Variants in PACSIN2 observed in about 807,000 individuals in gnomAD.
PACSIN2 encodes protein kinase C and casein kinase substrate in neurons 2.
Under a neutral mutation model 63.8 loss-of-function variants are expected in PACSIN2, and 25 were observed. The ratio of observed to expected loss-of-function variants is 0.39; its 90% CI spans 0.29 to 0.55. PACSIN2 has a LOEUF of 0.55. PACSIN2 is among the 20% of genes least tolerant of loss of function. The pLI is 0.62. For missense variants in PACSIN2, 518 were observed against 646.9 expected, an observed-to-expected ratio of 0.80 and a Z score of 2.16; for synonymous variants, 255 against 256.2, an observed-to-expected ratio of 1.00 and a Z score of 0.05.
At chr22:42,901,806 AC>A (rs1930707835) in intron 2 of PACSIN2, among the ~76,000 whole-genome samples, 2 of 152,254 alleles carry the variant, frequency 1.3e-5, no homozygotes, top group South Asian at 4.1e-4. Flanking sequence ...TTCCTGGCAT[AC>A]CTGACCAGCT....
intron 1 of PACSIN2, among the ~76,000 whole-genome samples, chr22:42,937,758 C>A (rs1932974684): frequency 1.3e-5 from 2 of 152,238 alleles, no homozygotes; most frequent in Non-Finnish European, 2.9e-5. Flanking sequence ...TGGCTCCCAG[C>A]CCTTTCCATG....
intron 1 of PACSIN2, among the ~76,000 whole-genome samples, chr22:42,990,393 G>A (rs1922960562): frequency 6.6e-6 from 1 of 152,106 alleles, no homozygotes; most frequent in African/African-American, 2.4e-5. Context: ...GCTAAGAACT[G>A]CACACTACAA....
chr22:42,937,278 A>G (rs1298466469), intron 1 of PACSIN2, among the ~76,000 whole-genome samples: 1 of 152,142 alleles, frequency 6.6e-6, no homozygotes, highest in African/African-American at 2.4e-5. Flanking sequence ...GAAGTAAGCC[A>G]TATGGGCCCC....
chr22:42,955,204 C>T (rs1047096528), intron 1 of PACSIN2, among the ~76,000 whole-genome samples: 4 of 152,170 alleles, frequency 2.6e-5, no homozygotes, highest in African/African-American at 9.7e-5. Context: ...CAATCCTAAC[C>T]GTCTATGGAT....
intron 1 of PACSIN2, among the ~76,000 whole-genome samples, chr22:42,987,970 G>A (rs1454198314): frequency 7.2e-5 from 11 of 151,970 alleles, no homozygotes; most frequent in South Asian, 2.1e-4. Context: ...GTGAAACCCC[G>A]TCTCTACTAA....
At chr22:42,891,235 T>C in intron 3 of PACSIN2, 53 bp from the exon 4 acceptor site, 2 of 1,220,158 alleles carry the variant, frequency 1.6e-6, no homozygotes, top group East Asian at 4.7e-5. Context: ...TGGTGGGGTC[T>C]GCTCTGCTCA....
At chr22:42,965,759 A>T (rs1260594538) in intron 1 of PACSIN2, among the ~76,000 whole-genome samples, 1 of 152,220 alleles carries the variant, frequency 6.6e-6, no homozygotes, top group Non-Finnish European at 1.5e-5. Context: ...AGGCATGACA[A>T]TGACAGTTCA....
rs935290990 is a variant in PACSIN2 at position 42,933,030 on chromosome 22, T to C, written c.-77-20873A>G. ...TCAAGTATCAAGAGTTGCTGTATCA[T>C]TGAATCAGCATTTATATTTACAGTA... On this transcript the variant is annotated intron_variant, in intron 1 of 10. Transcript: ENST00000263246. Among the ~76,000 whole-genome samples the C allele has an allele frequency of 7.2e-5, 11 of 152,264 alleles. No homozygotes were observed. The South Asian group carries it at 8.3e-4, about 11-fold the overall frequency.
At chr22:42,951,264 G>T (rs912538812) in intron 1 of PACSIN2, among the ~76,000 whole-genome samples, 18 of 152,136 alleles carry the variant, frequency 1.2e-4, no homozygotes, top group African/African-American at 3.9e-4. Context: ...AGTATTAACT[G>T]CATTCTCTCT....
intron 4 of PACSIN2, 33 bp downstream of exon 4, chr22:42,890,914 G>A: frequency 2.5e-6 from 4 of 1,570,044 alleles, no homozygotes; most frequent in Non-Finnish European, 3.5e-6. Context: ...GGCAGAGCAA[G>A]GCCGGGCAGG....
chr22:43,004,050 A>C (rs1923936262), intron 1 of PACSIN2, among the ~76,000 whole-genome samples: 1 of 152,232 alleles, frequency 6.6e-6, no homozygotes, highest in African/African-American at 2.4e-5. Flanking sequence ...TATGTTTCTC[A>C]GAGGTGGGGG....
intron 1 of PACSIN2, among the ~76,000 whole-genome samples, chr22:43,003,177 T>C (rs1391884277): frequency 6.6e-6 from 1 of 152,254 alleles, no homozygotes; most frequent in Non-Finnish European, 1.5e-5. Flanking sequence ...AAAACCACTT[T>C]GTGCGTGGAA....
rs369519345 is a variant in PACSIN2 at position 42,893,594 on chromosome 22, G to A, written c.80C>T (p.Thr27Ile). 33 of 1,614,070 alleles carry A rather than the reference G, an allele frequency of 2.0e-5. No individual in the cohort carries two copies. The East Asian group carries it at 6.2e-4, about 31-fold the overall frequency. Residue 27 changes from threonine (T) to isoleucine (I), a missense_variant, in exon 3 of 11, where the codon ACT (threonine) becomes ATT (isoleucine). Thr to Ile is a moderately conservative substitution (Grantham distance 89). Coordinates refer to ENST00000263246, the MANE Select transcript of PACSIN2 (RefSeq NM_001184970.3). ...SFWEVGNYKR[T>I]VKRIDDGHRL... ...GTGGCCATCGTCGATCCGCTTCACAGTCCGCTTGTAGTTCCCGACCTAGGA... is the reference window on the plus strand; with the variant it reads ...GTGGCCATCGTCGATCCGCTTCACAATCCGCTTGTAGTTCCCGACCTAGGA...
At chr22:42,988,510 C>G (rs2059166683) in intron 1 of PACSIN2, among the ~76,000 whole-genome samples, 1 of 152,214 alleles carries the variant, frequency 6.6e-6, no homozygotes, top group African/African-American at 2.4e-5. Flanking sequence ...GGTTCAAATT[C>G]AGCAACCTGT....
chr22:42,908,032 G>A (rs1053653517), intron 2 of PACSIN2, among the ~76,000 whole-genome samples: 4 of 150,014 alleles, frequency 2.7e-5, no homozygotes, highest in Admixed American at 2.0e-4. Flanking sequence ...CAACTCTTCA[G>A]GGCTAACATT....
At chr22:42,888,421 C>T (rs1026944435) in intron 5 of PACSIN2, among the ~76,000 whole-genome samples, 3 of 152,222 alleles carry the variant, frequency 2.0e-5, no homozygotes, top group African/African-American at 7.2e-5. Flanking sequence ...CTGGCTTGCC[C>T]AGAGCCTGGC....
At chr22:42,948,289 C>T (rs781073397) in intron 1 of PACSIN2, among the ~76,000 whole-genome samples, 2 of 152,162 alleles carry the variant, frequency 1.3e-5, no homozygotes, top group African/African-American at 2.4e-5. Context: ...TACTCCACCA[C>T]AAGAGTGACT....
At chr22:42,887,615 C>A (rs1929588318) in intron 5 of PACSIN2, among the ~76,000 whole-genome samples, 1 of 152,088 alleles carries the variant, frequency 6.6e-6, no homozygotes, top group Admixed American at 6.5e-5. Flanking sequence ...GCAATCACAC[C>A]CCCCAGCCCT....
intron 1 of PACSIN2, among the ~76,000 whole-genome samples, chr22:42,914,479 C>T (rs1220131095): frequency 1.3e-5 from 2 of 152,230 alleles, no homozygotes; most frequent in Non-Finnish European, 2.9e-5. Context: ...AAGTGATCCA[C>T]CCACCTTGCC....
Sources: gnomAD v4.1 joint callset for allele counts (sites outside exome capture counted in the v4.1 genomes callset) on GRCh38, gnomAD v4.1.1 for gene constraint, MANE v1.5 for transcripts, NCBI Gene and HGNC (gene_info 2026-07-23, HGNC 2026-07-21) for gene names.